C16orf89: variants seen among roughly 807,000 people sequenced by gnomAD.
C16orf89 encodes UPF0764 protein C16orf89.
C16orf89 carries 57 observed loss-of-function variants against 41.5 expected under a neutral mutation model. The observed-to-expected ratio is 1.38, with a 90% CI of 1.11 to 1.71. C16orf89 has a LOEUF of 1.71. Among genes scored for constraint, C16orf89 ranks in the 40% most tolerant of loss-of-function variants. C16orf89 has a pLI of 0.00. For missense variants in C16orf89, 575 were observed against 445.9 expected, an observed-to-expected ratio of 1.29 and a Z score of -2.61; for synonymous variants, 223 against 190.6, an observed-to-expected ratio of 1.17 and a Z score of -1.40.
intron 5 of C16orf89, 72 bp from the exon 6 acceptor site, chr16:5,055,422 C>T: frequency 7.4e-7 from 1 of 1,358,558 alleles, no homozygotes; most frequent in Non-Finnish European, 1.0e-6. Flanking sequence ...CCAGGGCTGC[C>T]ACGGTGCCAC....
rs772533824 is a variant in C16orf89, at chr16:5,044,452, T to C, written c.982A>G (p.Thr328Ala). The C allele has an allele frequency of 4.0e-5, 64 of 1,612,866 alleles. No homozygotes were observed. The highest frequency in any genetic ancestry group is 5.3e-5 in the Non-Finnish European group (63 of 1,179,572). ...AAGCCACCCAGGGCTGCCACTGCTG[T>C]GGCTGTGTTGTGGGAGGAGCAGCCA... is the stretch of plus-strand genomic sequence containing the variant. The part of the protein sequence containing the change: ...PDGCSSHNTA[T>A]AVAALGGFLY... Residue 328 changes from threonine to alanine, a missense_variant, in exon 8 of 8, where the codon ACA (threonine) becomes GCA (alanine). Coordinates refer to ENST00000472572, the MANE Select transcript of C16orf89 (RefSeq NM_001098514.3).
intron 1 of C16orf89, among the ~76,000 whole-genome samples, 184 bp downstream of exon 1, chr16:5,065,517 G>C (rs140011049): frequency 6.6e-6 from 1 of 152,254 alleles, no homozygotes; most frequent in South Asian, 2.1e-4. Context: ...AAAAAATTGC[G>C]TAACAGTTAG....
intron 3 of C16orf89, among the ~76,000 whole-genome samples, chr16:5,060,007 G>A (rs982226445): frequency 3.3e-5 from 5 of 152,196 alleles, no homozygotes; most frequent in African/African-American, 7.2e-5. Flanking sequence ...TTGGAACTGC[G>A]GAGAGGAATT....
chr16:5,044,087 G>T (rs1366611343), downstream of C16orf89: 9 of 1,123,526 alleles, frequency 8.0e-6, no homozygotes, highest in African/African-American at 1.6e-5. Flanking sequence ...GTCCAAGGTT[G>T]TCCTCAAAGC....
In C16orf89 at chr16:5,065,704, C is replaced by T; in HGVS notation, c.205G>A (p.Glu69Lys). Residue 69 changes from glutamate to lysine, a missense_variant, in exon 1 of 8, where the codon GAA becomes AAA. By Grantham distance (56) the Glu-to-Lys change is moderately conservative (BLOSUM62 1). Coordinates refer to ENST00000472572, the MANE Select transcript of C16orf89 (RefSeq NM_001098514.3). ...LDGMVGVRVL[E>K]EQLKSVREKW... ...AGAGGAATTGGGGCTCACTCACCTT[C>T]CAGCACTCGGACCCCCACCATGCCA... 2 of 1,612,294 alleles carry T rather than the reference C, an allele frequency of 1.2e-6. No individual in the cohort carries two copies. The highest frequency in any genetic ancestry group is 2.2e-5 in the East Asian group (1 of 44,854).
Position 5,052,554 on chromosome 16 carries a change from G to C in C16orf89, c.868+2692C>G, listed in dbSNP as rs146614810. On this transcript the variant is annotated intron_variant, in intron 6 of 7. Transcript: ENST00000472572. ...TGCAGTGAGCCGAGATCGCACCACT[G>C]CACTCCAGCCTGGGTGACAGAGTGA... is the stretch of plus-strand genomic sequence containing the variant. Among the ~76,000 whole-genome samples the C allele has an allele frequency of 6.2e-3, 935 of 151,966 alleles. 11 individuals are homozygous for C. Among genetic ancestry groups the C allele is most frequent in the African/African-American group, 0.021 (852 of 41,406 alleles).
chr16:5,052,446 C>T (rs1245886389), intron 6 of C16orf89, among the ~76,000 whole-genome samples: 13 of 152,072 alleles, frequency 8.5e-5, no homozygotes, highest in Non-Finnish European at 1.8e-4. Flanking sequence ...AAAAATTAGC[C>T]GGGTGTTGGT....
At chr16:5,065,548 A>G (rs1365097386) in intron 1 of C16orf89, among the ~76,000 whole-genome samples, 153 bp downstream of exon 1, 1 of 152,206 alleles carries the variant, frequency 6.6e-6, no homozygotes, top group Non-Finnish European at 1.5e-5. Context: ...GCCGCCAGGA[A>G]GATCCAGCCC....
At chr16:5,055,174 C>A in intron 6 of C16orf89, 72 bp downstream of exon 6, 1 of 1,303,376 alleles carries the variant, frequency 7.7e-7, no homozygotes, top group South Asian at 1.3e-5. Flanking sequence ...GTTCCCACAC[C>A]TGGCCTAGAA....
rs1271508235 is a variant in C16orf89, at chr16:5,052,831, T to C, written c.868+2415A>G. ...TGTTGAAGAGACATCTGCACCCCCA[T>C]GTTTATTGCAGCGCTATTCACAGTA... On this transcript the variant is annotated intron_variant, in intron 6 of 7. Coordinates refer to ENST00000472572, the MANE Select transcript of C16orf89 (RefSeq NM_001098514.3). Among the ~76,000 whole-genome samples, 14 of 152,182 alleles carry C rather than the reference T, an allele frequency of 9.2e-5. 1 individual carries two copies. Among genetic ancestry groups the C allele is most frequent in the Non-Finnish European group, 5.9e-5 (4 of 68,032 alleles).
intron 2 of C16orf89, among the ~76,000 whole-genome samples, chr16:5,062,110 C>G (rs8053916): frequency 0.15 from 23,515 of 152,212 alleles, 1,994 homozygotes; most frequent in East Asian, 0.34. Flanking sequence ...ATACTCTCCC[C>G]TCTGGGACAG....
chr16:5,060,638 T>G (rs1484649533), intron 2 of C16orf89, among the ~76,000 whole-genome samples: 2 of 152,014 alleles, frequency 1.3e-5, no homozygotes, highest in Non-Finnish European at 2.9e-5. Flanking sequence ...TTTCCCCTAA[T>G]CAATAGGAAC....
chr16:5,044,305 G>T lies in C16orf89; in HGVS notation c.*43C>A. On this transcript the variant is annotated 3_prime_UTR_variant, in exon 8 of 8. Coordinates refer to ENST00000472572, the MANE Select transcript of C16orf89 (RefSeq NM_001098514.3). ...AGGATCTAAGGGATGAGGACTAAAG[G>T]GGTCTGTTCCTCCTCCAGGCAGCTG... The T allele has an allele frequency of 6.4e-7, 1 of 1,554,038 alleles. No homozygotes were observed. Among genetic ancestry groups the T allele is most frequent in the East Asian group, 2.3e-5 (1 of 44,124 alleles).
intron 6 of C16orf89, among the ~76,000 whole-genome samples, chr16:5,048,200 A>C (rs1956335638): frequency 6.6e-6 from 1 of 152,050 alleles, no homozygotes; most frequent in African/African-American, 2.4e-5. Flanking sequence ...AGCTATTTAA[A>C]AAAAATTTTT....
chr16:5,054,659 A>G (rs1254453033), intron 6 of C16orf89, among the ~76,000 whole-genome samples: 1 of 152,120 alleles, frequency 6.6e-6, no homozygotes, highest in Non-Finnish European at 1.5e-5. Context: ...GTCCCCACCC[A>G]AGTCTCATCT....
chr16:5,062,960 G>C (rs1956659317), intron 1 of C16orf89, among the ~76,000 whole-genome samples: 1 of 152,170 alleles, frequency 6.6e-6, no homozygotes, highest in African/African-American at 2.4e-5. Context: ...ACTGCACAAG[G>C]GCAACACACA....
chr16:5,062,061 A>G (rs574086799), intron 2 of C16orf89, among the ~76,000 whole-genome samples: 1 of 152,328 alleles, frequency 6.6e-6, no homozygotes, highest in South Asian at 2.1e-4. Flanking sequence ...GACATGGGAC[A>G]CTACTGTTTG....
At chr16:5,060,476 T>C in intron 2 of C16orf89, 40 bp from the exon 3 acceptor site, 2 of 1,584,726 alleles carry the variant, frequency 1.3e-6, no homozygotes, top group Non-Finnish European at 1.7e-6. Context: ...GGTGTGGGGG[T>C]GACCCAGGAG....
At position 5,056,178 on chromosome 16, in the gene C16orf89, G is replaced by T; in HGVS notation, c.638C>A (p.Thr213Lys). The T allele has an allele frequency of 6.3e-7, 1 of 1,589,792 alleles. No homozygotes were observed. Among genetic ancestry groups the T allele is most frequent in the Non-Finnish European group, 8.6e-7 (1 of 1,159,536 alleles). ...CTGGCTCTGTTGGAGTGGTCCCTGT[G>T]TGCACCCCCTCTGGGGAGACAAACA... is the stretch of plus-strand genomic sequence containing the variant. ...FFLWARMRGC[T>K]QGPLQQSQDY... The change falls in exon 5 of 8, where the codon ACA (threonine) becomes AAA (lysine). Residue 213 changes from threonine to lysine, a missense_variant. Transcript: ENST00000472572.
Sources: gnomAD v4.1 joint callset for allele counts (sites outside exome capture counted in the v4.1 genomes callset) on GRCh38, gnomAD v4.1.1 for gene constraint, MANE v1.5 for transcripts, NCBI Gene and HGNC (gene_info 2026-07-23, HGNC 2026-07-21) for gene names.